Variants in PRSS50 observed in about 807,000 individuals in gnomAD.
PRSS50 encodes serine protease 50.
A neutral mutation model predicts 34.2 loss-of-function variants in PRSS50; 23 were observed. The ratio of observed to expected loss-of-function variants is 0.67; its 90% CI spans 0.48 to 0.95. The LOEUF is 0.95. Among genes scored for constraint, PRSS50 ranks in the 40% least tolerant of loss-of-function variants. The pLI is 0.00. For synonymous variants in PRSS50, 224 were observed against 211.2 expected, an observed-to-expected ratio of 1.06 and a Z score of -0.53; for missense variants, 484 against 513.4, an observed-to-expected ratio of 0.94 and a Z score of 0.55.
chr3:46,715,401 G>T lies in PRSS50; in HGVS notation c.470+134C>A. 1 of 1,204,320 alleles carries T rather than the reference G, an allele frequency of 8.3e-7. No homozygotes were observed. The allele number at this position is 1,204,320 out of a possible 1,614,324, so 74.6% of individuals were successfully genotyped here. On this transcript the variant is annotated intron_variant, in intron 3 of 5. Coordinates refer to ENST00000315170, the MANE Select transcript of PRSS50 (RefSeq NM_013270.5). This position sits in a 1 kb window ranked among gnomAD's most constrained non-coding sequence, Gnocchi z 5.2. ...GCTCTGAAGGAATTTTCAGGACTCA[G>T]CCTCCACCTGCTTGGAGCCCAGATG... is the stretch of plus-strand genomic sequence containing the variant.
chr3:46,715,352 C>T lies in PRSS50; in HGVS notation c.470+183G>A, dbSNP rs1700667181. The stretch of plus-strand genomic sequence containing the variant: ...TGAGAGGCCAGACGAGGGGAGCGAA[C>T]GGTGGGACACTGAAAAGACTGGAGC... On this transcript the variant is annotated intron_variant, in intron 3 of 5. Coordinates refer to ENST00000315170, the MANE Select transcript of PRSS50 (RefSeq NM_013270.5). The surrounding 1 kb of genome is among the most constrained non-coding windows in gnomAD (Gnocchi z 5.2). Among the ~76,000 whole-genome samples the T allele has an allele frequency of 6.6e-6, 1 of 152,186 alleles. No homozygotes were observed. The highest frequency in any genetic ancestry group is 2.4e-5 in the African/African-American group (1 of 41,438).
Position 46,717,847 on chromosome 3 carries a change from T to C in PRSS50, c.-23A>G. Reference sequence around the variant, plus strand: ...CATCCCGGGGTGGCAGCCGACTGCGTCTCTCCGGAAGGCGCTCCCAGTGCC... The same window carrying C: ...CATCCCGGGGTGGCAGCCGACTGCGCCTCTCCGGAAGGCGCTCCCAGTGCC... On this transcript the variant is annotated 5_prime_UTR_variant, in exon 1 of 6. Transcript: ENST00000315170. The surrounding 1 kb of genome is among the most constrained non-coding windows in gnomAD (Gnocchi z 4.5). 1 of 1,475,578 alleles carries C rather than the reference T, an allele frequency of 6.8e-7. No individual in the cohort carries two copies. Among genetic ancestry groups the C allele is most frequent in the Non-Finnish European group, 9.0e-7 (1 of 1,115,676 alleles). The allele number at this position is 1,475,578 out of a possible 1,614,324, so 91.4% of individuals were successfully genotyped here. A position where few individuals can be genotyped will look rare whatever the true frequency, so the allele number is the denominator to read the frequency against.
At position 46,717,648 on chromosome 3, in the gene PRSS50, C is replaced by A; in HGVS notation, c.107-11G>T. ...CTGCGCCCCAGCAACCTGCGGAGGACGTCGAGCGGATTAGAGGTGGAAGGC... is the reference window on the plus strand; with the variant it reads ...CTGCGCCCCAGCAACCTGCGGAGGAAGTCGAGCGGATTAGAGGTGGAAGGC... On this transcript the variant is annotated splice_polypyrimidine_tract_variant and intron_variant, in intron 1 of 5. Coordinates refer to ENST00000315170, the MANE Select transcript of PRSS50 (RefSeq NM_013270.5). This position sits in a 1 kb window ranked among gnomAD's most constrained non-coding sequence, Gnocchi z 4.5. 1 of 1,611,218 alleles carries A rather than the reference C, an allele frequency of 6.2e-7. No homozygotes were observed. The highest frequency in any genetic ancestry group is 8.5e-7 in the Non-Finnish European group (1 of 1,178,850).
In PRSS50 at chr3:46,717,803, C is replaced by T. The variant is rs143548046; in HGVS notation, c.22G>A (p.Val8Ile). 1,312 of 1,536,808 alleles carry T rather than the reference C, an allele frequency of 8.5e-4. 5 individuals carry two copies. In the African/African-American group the frequency reaches 0.011, roughly 13 times the overall value. ...GTCCGGGGGCGCTGCCCGCGCGCGA[C>T]GGTCTGGCACCAGCGACCCATCCCG... MGRWCQTVARGQRPRTSA... is the reference protein window; with the variant it reads MGRWCQTIARGQRPRTSA... Residue 8 changes from valine to isoleucine, a missense_variant, in exon 1 of 6, where the codon GTC becomes ATC. Val to Ile is a conservative substitution (Grantham distance 29). Transcript: ENST00000315170. This position sits in a 1 kb window ranked among gnomAD's most constrained non-coding sequence, Gnocchi z 4.5.
At chr3:46,713,349 C>T (rs1184933583) in intron 4 of PRSS50, among the ~76,000 whole-genome samples, 1 of 152,234 alleles carries the variant, frequency 6.6e-6, no homozygotes, top group Non-Finnish European at 1.5e-5. Flanking sequence ...TTGGCTTTTG[C>T]CACTCCTTCC....
rs1700685665 is a variant in PRSS50, at chr3:46,716,484, A to G, written c.308-787T>C. On this transcript the variant is annotated intron_variant, in intron 2 of 5. Coordinates refer to ENST00000315170, the MANE Select transcript of PRSS50 (RefSeq NM_013270.5). The surrounding 1 kb of genome is among the most constrained non-coding windows in gnomAD (Gnocchi z 4.4). Reference sequence around the variant, plus strand: ...CCACTATGTTGCCCAGGCAGGTCTCAAACTCCTGACCTCAAGTGATCTTAC... The same window carrying G: ...CCACTATGTTGCCCAGGCAGGTCTCGAACTCCTGACCTCAAGTGATCTTAC... Among the ~76,000 whole-genome samples the G allele has an allele frequency of 1.3e-5, 2 of 152,160 alleles. No individual in the cohort carries two copies. The highest frequency in any genetic ancestry group is 4.1e-4 in the South Asian group (2 of 4,830).
rs1030642357 is a variant in PRSS50, at chr3:46,715,322, G to A, written c.470+213C>T. Among the ~76,000 whole-genome samples, 2 of 152,198 alleles carry A rather than the reference G, an allele frequency of 1.3e-5. No individual in the cohort carries two copies. Among genetic ancestry groups the A allele is most frequent in the African/African-American group, 4.8e-5 (2 of 41,460 alleles). ...TTTCCCATCTGCGGAATGACTGCAC[G>A]GGACTGAGAGGCCAGACGAGGGGAG... is the stretch of plus-strand genomic sequence containing the variant. On this transcript the variant is annotated intron_variant, in intron 3 of 5. Transcript: ENST00000315170. The surrounding 1 kb of genome is among the most constrained non-coding windows in gnomAD (Gnocchi z 5.2).
Position 46,717,392 on chromosome 3 carries a change from C to A in PRSS50, c.307+45G>T, listed in dbSNP as rs748073125. ...CCCAGCCAAGGTCCTTAAGACTCCTCTGTCACCCTCCTTGCCCCACGGAGT... is the reference window on the plus strand; with the variant it reads ...CCCAGCCAAGGTCCTTAAGACTCCTATGTCACCCTCCTTGCCCCACGGAGT... On this transcript the variant is annotated intron_variant, in intron 2 of 5. Transcript: ENST00000315170. This position sits in a 1 kb window ranked among gnomAD's most constrained non-coding sequence, Gnocchi z 4.5. 3.1e-6 allele frequency: 5 copies of A among 1,601,310 alleles called. No homozygotes were observed. The South Asian group carries it at 3.3e-5, about 11-fold the overall frequency.
In PRSS50 at chr3:46,717,811, C is replaced by T; in HGVS notation, c.14G>A (p.Cys5Tyr). The change falls in exon 1 of 6, where the codon TGC becomes TAC. Residue 5 changes from cysteine (C) to tyrosine (Y), a missense_variant. Transcript: ENST00000315170. The surrounding 1 kb of genome is among the most constrained non-coding windows in gnomAD (Gnocchi z 4.5). ...GCGCTGCCCGCGCGCGACGGTCTGG[C>T]ACCAGCGACCCATCCCGGGGTGGCA... is the stretch of plus-strand genomic sequence containing the variant. MGRWCQTVARGQRPR... is the reference protein window; with the variant it reads MGRWYQTVARGQRPR... The T allele has an allele frequency of 6.5e-7, 1 of 1,526,844 alleles. No individual in the cohort carries two copies. Among genetic ancestry groups the T allele is most frequent in the Non-Finnish European group, 8.8e-7 (1 of 1,137,832 alleles). The allele number at this position is 1,526,844 out of a possible 1,614,324, so 94.6% of individuals were successfully genotyped here.
Position 46,717,156 on chromosome 3 carries a change from C to T in PRSS50, c.307+281G>A, listed in dbSNP as rs911138930. 6.6e-6 allele frequency among the ~76,000 whole-genome samples: 1 copy of T among 152,142 alleles called. No homozygotes were observed. The highest frequency in any genetic ancestry group is 6.5e-5 in the Admixed American group (1 of 15,284). On this transcript the variant is annotated intron_variant, in intron 2 of 5. Transcript: ENST00000315170. This position sits in a 1 kb window ranked among gnomAD's most constrained non-coding sequence, Gnocchi z 4.5. ...CCACCTGCCCCACAGCCAGCTCAGGCGAGGCGGGAACACACAGCCGGCCCC... is the reference window on the plus strand; with the variant it reads ...CCACCTGCCCCACAGCCAGCTCAGGTGAGGCGGGAACACACAGCCGGCCCC...
chr3:46,712,883 C>G lies in PRSS50; in HGVS notation c.921+18G>C, dbSNP rs199993127. 24 of 1,612,074 alleles carry G rather than the reference C, an allele frequency of 1.5e-5. No homozygotes were observed. Among genetic ancestry groups the G allele is most frequent in the African/African-American group, 2.7e-5 (2 of 74,818 alleles). ...CCAGGTGCCCCTGAAGGGGAGTGAG[C>G]GAGGAGAGGCCGCTCACATAGCAGA... On this transcript the variant is annotated intron_variant, in intron 5 of 5. Coordinates refer to ENST00000315170, the MANE Select transcript of PRSS50 (RefSeq NM_013270.5).
At chr3:46,713,845 TA>T (rs137946022) in intron 4 of PRSS50, among the ~76,000 whole-genome samples, 10 of 152,358 alleles carry the variant, frequency 6.6e-5, no homozygotes, top group South Asian at 6.2e-4. Flanking sequence ...GGCAGCATTT[TA>T]CAACACAGAA....
In PRSS50 at chr3:46,717,466, A is replaced by G; in HGVS notation, c.278T>C (p.Val93Ala). 1 of 1,613,156 alleles carries G rather than the reference A, an allele frequency of 6.2e-7. No individual in the cohort carries two copies. Among genetic ancestry groups the G allele is most frequent in the Non-Finnish European group, 8.5e-7 (1 of 1,179,892 alleles). Residue 93 changes from valine (V) to alanine (A), a missense_variant, in exon 2 of 6, where the codon GTT (valine) becomes GCT (alanine). Coordinates refer to ENST00000315170, the MANE Select transcript of PRSS50 (RefSeq NM_013270.5). The surrounding 1 kb of genome is among the most constrained non-coding windows in gnomAD (Gnocchi z 4.5). ...PSTTMETQFP[V>A]SEGKVDPYRS... ...GTATGGGTCGACTTTGCCTTCAGAA[A>G]CTGGGAATTGGGTCTCCATGGTGGT...
In PRSS50 at chr3:46,717,330, C is replaced by G; in HGVS notation, c.307+107G>C. On this transcript the variant is annotated intron_variant, in intron 2 of 5. Transcript: ENST00000315170. The surrounding 1 kb of genome is among the most constrained non-coding windows in gnomAD (Gnocchi z 4.5). ...AACACCTGTAGAAGGAGGCGCTCCTCTATCCTGCTCGCCCCCGTCCCTTCT... is the reference window on the plus strand; with the variant it reads ...AACACCTGTAGAAGGAGGCGCTCCTGTATCCTGCTCGCCCCCGTCCCTTCT... The G allele has an allele frequency of 7.7e-7, 1 of 1,296,450 alleles. No individual in the cohort carries two copies. The highest frequency in any genetic ancestry group is 1.1e-6 in the Non-Finnish European group (1 of 927,302). The allele number at this position is 1,296,450 out of a possible 1,614,324, so 80.3% of individuals were successfully genotyped here.
chr3:46,715,798 TCCAG>T lies in PRSS50; in HGVS notation c.308-105_308-102del. On this transcript the variant is annotated intron_variant, in intron 2 of 5. Coordinates refer to ENST00000315170, the MANE Select transcript of PRSS50 (RefSeq NM_013270.5). This position sits in a 1 kb window ranked among gnomAD's most constrained non-coding sequence, Gnocchi z 5.2. Reference sequence around the variant, plus strand: ...CTCTCCAGCCACTGGCCTGCACCCATCCAGGGGTGCTCCCTTTTCACCTGTCACC... The same window carrying T: ...CTCTCCAGCCACTGGCCTGCACCCATGGGTGCTCCCTTTTCACCTGTCACC... The T allele has an allele frequency of 7.7e-7, 1 of 1,292,904 alleles. No homozygotes were observed. Among genetic ancestry groups the T allele is most frequent in the Non-Finnish European group, 1.1e-6 (1 of 946,604 alleles). The allele number at this position is 1,292,904 out of a possible 1,614,324, so 80.1% of individuals were successfully genotyped here. A position where few individuals can be genotyped will look rare whatever the true frequency, so the allele number is the denominator to read the frequency against.
rs549349741 is a variant in PRSS50, at chr3:46,712,139, T to C, written c.*107A>G. The C allele has an allele frequency of 2.0e-6, 2 of 996,132 alleles. No individual in the cohort carries two copies. Among genetic ancestry groups the C allele is most frequent in the Admixed American group, 2.6e-5 (1 of 38,192 alleles). 61.7% of individuals were successfully genotyped at this position (996,132 alleles called of 1,614,324 possible). A position where few individuals can be genotyped will look rare whatever the true frequency, so the allele number is the denominator to read the frequency against. ...AGGCATGGAAAACAGTAATGTTTAA[T>C]TGAGCACCTCATCTCCACCCTGACT... is the stretch of plus-strand genomic sequence containing the variant. On this transcript the variant is annotated 3_prime_UTR_variant, in exon 6 of 6. Coordinates refer to ENST00000315170, the MANE Select transcript of PRSS50 (RefSeq NM_013270.5).
rs751431866 is a variant in PRSS50 at position 46,714,478 on chromosome 3, C to T, written c.494G>A (p.Arg165Lys). The stretch of plus-strand genomic sequence containing the variant: ...CTGGTCAATCCACGGACTCCCCACC[C>T]TCACTGAGTAGATAACATCACGCCT... ...LIWRDVIYSV[R>K]VGSPWIDQMT... is the part of the protein sequence containing the mutation. The change falls in exon 4 of 6, where the codon AGG (arginine) becomes AAG (lysine). Residue 165 changes from arginine (R) to lysine (K), a missense_variant. Arg to Lys is a conservative substitution (Grantham distance 26, BLOSUM62 2). Transcript: ENST00000315170. 3.1e-6 allele frequency: 5 copies of T among 1,602,928 alleles called. No individual in the cohort carries two copies. The highest frequency in any genetic ancestry group is 4.3e-6 in the Non-Finnish European group (5 of 1,175,874).
At chr3:46,713,278 C>A (rs1019231374) in intron 4 of PRSS50, among the ~76,000 whole-genome samples, 15 of 152,220 alleles carry the variant, frequency 9.9e-5, no homozygotes, top group Non-Finnish European at 2.1e-4. Context: ...GGCCTGCTCT[C>A]GCTTCCTGCA....
intron 4 of PRSS50, 81 bp from the exon 5 acceptor site, chr3:46,713,148 T>C (rs1022445116): frequency 6.6e-7 from 1 of 1,506,384 alleles, no homozygotes; most frequent in Non-Finnish European, 9.1e-7. Context: ...TCTCCACTGT[T>C]CCCCACGTCC....
Sources: gnomAD v4.1 joint callset for allele counts (sites outside exome capture counted in the v4.1 genomes callset) on GRCh38, gnomAD v4.1.1 for gene constraint, Gnocchi (gnomAD v3.1) non-coding constraint, MANE v1.5 for transcripts, NCBI Gene and HGNC (gene_info 2026-07-23, HGNC 2026-07-21) for gene names.